The following AGBL4 variants were observed in gnomAD, a reference collection of about 807,000 sequenced individuals.
AGBL4 encodes the protein cytosolic carboxypeptidase 6.
A neutral mutation model predicts 66.4 loss-of-function variants in AGBL4; 58 were observed. The ratio of observed to expected loss-of-function variants is 0.87; its 90% confidence interval spans 0.71 to 1.09. The LOEUF is 1.09. AGBL4 is among the 50% of genes least tolerant of loss of function. The pLI is 0.00. For synonymous variants in AGBL4, 234 were observed against 222.9 expected, an observed-to-expected ratio of 1.05 and a Z score of -0.44; for missense variants, 579 against 631.0, an observed-to-expected ratio of 0.92 and a Z score of 0.88.
At chr1:49,608,068 C>T (rs988153394) in intron 3 of AGBL4, among the ~76,000 whole-genome samples, 2 of 152,008 alleles carry the variant, frequency 1.3e-5, no homozygotes, top group African/African-American at 4.8e-5. Flanking sequence ...AGAAAAATAG[C>T]CCTGCCTCTT....
At chr1:49,260,854 A>C (rs1158832916) in intron 3 of AGBL4, among the ~76,000 whole-genome samples, 2 of 151,696 alleles carry the variant, frequency 1.3e-5, no homozygotes, top group African/African-American at 4.9e-5. Context: ...AGACACAACC[A>C]AAAAAGAGAA....
At chr1:49,740,280 A>C (rs1025041124) in intron 2 of AGBL4, among the ~76,000 whole-genome samples, 4 of 152,200 alleles carry the variant, frequency 2.6e-5, no homozygotes, top group Admixed American at 2.0e-4. Flanking sequence ...CTTTAAACCA[A>C]CAAAGATCAA....
At chr1:48,594,466 AT>A (rs1486431937) in intron 9 of AGBL4, among the ~76,000 whole-genome samples, 19 of 152,210 alleles carry the variant, frequency 1.2e-4, no homozygotes, top group Admixed American at 1.2e-3. Flanking sequence ...GAAGCTATGT[AT>A]TATAGAAATT....
At chr1:49,519,072 A>T (rs1650058320) in intron 3 of AGBL4, among the ~76,000 whole-genome samples, 1 of 152,076 alleles carries the variant, frequency 6.6e-6, no homozygotes, top group Admixed American at 6.6e-5. Flanking sequence ...TTCCATTTTC[A>T]TATTAACTGA....
intron 3 of AGBL4, among the ~76,000 whole-genome samples, chr1:49,604,407 C>G (rs1474892932): frequency 6.6e-6 from 1 of 152,100 alleles, no homozygotes; most frequent in Non-Finnish European, 1.5e-5. Flanking sequence ...GTCATTTACC[C>G]ACTTTTTATG....
At chr1:48,915,890 A>T (rs1217204024) in intron 5 of AGBL4, among the ~76,000 whole-genome samples, 2 of 152,206 alleles carry the variant, frequency 1.3e-5, no homozygotes, top group East Asian at 1.9e-4. Flanking sequence ...TAAAATAAAA[A>T]AAATTAAATT....
At chr1:49,717,048 C>T (rs1265419309) in intron 2 of AGBL4, among the ~76,000 whole-genome samples, 4 of 152,124 alleles carry the variant, frequency 2.6e-5, no homozygotes, top group Non-Finnish European at 5.9e-5. Flanking sequence ...AGCCCAAAAT[C>T]TCCTTAAGCT....
intron 3 of AGBL4, among the ~76,000 whole-genome samples, chr1:49,661,579 T>C (rs1361845576): frequency 2.0e-5 from 3 of 152,142 alleles, no homozygotes; most frequent in Non-Finnish European, 4.4e-5. Flanking sequence ...CAGAAGCAAA[T>C]GCTGGCACTA....
chr1:49,270,746 G>A (rs1437383357), intron 3 of AGBL4, among the ~76,000 whole-genome samples: 1 of 152,070 alleles, frequency 6.6e-6, no homozygotes. Flanking sequence ...ATTAAACTGA[G>A]TCACTACTGG....
chr1:48,997,384 T>A (rs1661096996), intron 5 of AGBL4, among the ~76,000 whole-genome samples: 1 of 152,218 alleles, frequency 6.6e-6, no homozygotes, highest in African/African-American at 2.4e-5. Flanking sequence ...AGTAGGTTGA[T>A]GAATTTTCAG....
chr1:49,006,495 C>A (rs867493921), intron 5 of AGBL4, among the ~76,000 whole-genome samples: 2 of 152,340 alleles, frequency 1.3e-5, no homozygotes, highest in East Asian at 3.9e-4. Context: ...AACAAAGCAG[C>A]GGGGAAGCTC....
intron 3 of AGBL4, among the ~76,000 whole-genome samples, chr1:49,511,107 A>G (rs943611912): frequency 3.3e-5 from 5 of 152,010 alleles, no homozygotes; most frequent in African/African-American, 1.2e-4. Flanking sequence ...ATTACTGGGT[A>G]TATACCCAAA....
intron 2 of AGBL4, among the ~76,000 whole-genome samples, chr1:49,702,492 A>AAAAAT (rs916928642): frequency 2.6e-5 from 4 of 152,164 alleles, no homozygotes; most frequent in African/African-American, 9.7e-5. Flanking sequence ...TCCGTCCCAA[A>AAAAAT]AAAATAAAAT....
chr1:49,692,077 C>T (rs1446477915), intron 3 of AGBL4, among the ~76,000 whole-genome samples: 8 of 152,068 alleles, frequency 5.3e-5, no homozygotes, highest in African/African-American at 1.7e-4. Context: ...TTCGCCAGGT[C>T]CCTCCCACAA....
chr1:49,420,090 C>T lies in AGBL4; in HGVS notation c.283-174226G>A, dbSNP rs567654907. ...AAAGTACACCCAAAGGAATCTTCAC[C>T]TCTAATAGCACAAATGACCTGAAAT... On this transcript the variant is annotated intron_variant, in intron 3 of 13. Coordinates refer to ENST00000371839, the MANE Select transcript of AGBL4 (RefSeq NM_032785.4). Among the ~76,000 whole-genome samples the T allele has an allele frequency of 2.6e-5, 4 of 152,304 alleles. No homozygotes were observed. The South Asian group carries it at 8.3e-4, about 32-fold the overall frequency.
At chr1:48,619,945 C>G (rs1314195674) in intron 9 of AGBL4, among the ~76,000 whole-genome samples, 3 of 152,138 alleles carry the variant, frequency 2.0e-5, no homozygotes, top group Non-Finnish European at 4.4e-5. Flanking sequence ...ATAATTCATT[C>G]TAGAAGCATC....
At chr1:49,677,702 C>G (rs982704055) in intron 3 of AGBL4, among the ~76,000 whole-genome samples, 2 of 152,084 alleles carry the variant, frequency 1.3e-5, no homozygotes, top group African/African-American at 4.8e-5. Flanking sequence ...GAAGACCTCT[C>G]AATGTGATGA....
intron 5 of AGBL4, among the ~76,000 whole-genome samples, chr1:48,949,624 G>A (rs535340815): frequency 5.6e-4 from 85 of 152,276 alleles, no homozygotes; most frequent in African/African-American, 2.0e-3. Flanking sequence ...CCAGCTTAGG[G>A]GAGTGCCAGG....
chr1:49,741,519 A>G (rs1347750070), intron 2 of AGBL4, among the ~76,000 whole-genome samples: 1 of 152,202 alleles, frequency 6.6e-6, no homozygotes, highest in Non-Finnish European at 1.5e-5. Flanking sequence ...CAATCAATAG[A>G]AAAGGAGGGA....
Sources: allele counts gnomAD v4.1 joint callset (sites outside exome capture counted in the v4.1 genomes callset), GRCh38; gene constraint gnomAD v4.1.1; transcripts MANE v1.5; gene names NCBI Gene and HGNC (gene_info 2026-07-23, HGNC 2026-07-21).